The following PLEKHA5 variants were observed in gnomAD, a reference collection of about 807,000 sequenced individuals.
The protein encoded by PLEKHA5 is pleckstrin homology domain containing A5.
PLEKHA5 carries 55 observed loss-of-function variants against 181.9 expected under a neutral mutation model. That is an observed-to-expected ratio of 0.30 (90% CI 0.24 to 0.38). The LOEUF (loss-of-function observed/expected upper bound fraction) is 0.38, where lower values mean the gene tolerates loss of function less well. PLEKHA5 is among the 10% of genes least tolerant of loss of function. The probability of loss-of-function intolerance (pLI) is 1.00; values close to 1 mark genes in which losing one functional copy is unlikely to be tolerated. For missense variants in PLEKHA5, 1,432 were observed against 1,549.5 expected (o/e 0.92, Z 1.27); for synonymous variants, 535 against 529.4 (o/e 1.01, Z -0.15).
intron 29 of PLEKHA5, among the ~76,000 whole-genome samples, chr12:19,364,416 C>A (rs2095357322): frequency 6.6e-6 from 1 of 151,796 alleles, no homozygotes; most frequent in African/African-American, 2.4e-5. Flanking sequence ...GAGACTGAGG[C>A]ACAAGAATTG....
At chr12:19,160,944 A>G (rs1379841955) in intron 3 of PLEKHA5, among the ~76,000 whole-genome samples, 1 of 152,160 alleles carries the variant, frequency 6.6e-6, no homozygotes, top group Non-Finnish European at 1.5e-5. Context: ...AGTAATAGTA[A>G]AAGCGTACAT....
intron 20 of PLEKHA5, among the ~76,000 whole-genome samples, chr12:19,323,918 C>G (rs190849095): frequency 6.6e-6 from 1 of 151,780 alleles, no homozygotes; most frequent in African/African-American, 2.4e-5. Flanking sequence ...ATCTAAAAGT[C>G]TTAACTTGCA....
intron 21 of PLEKHA5, among the ~76,000 whole-genome samples, chr12:19,342,658 T>C (rs1592564648): frequency 6.6e-6 from 1 of 151,686 alleles, no homozygotes; most frequent in East Asian, 1.9e-4. Context: ...CGTGCCGTAA[T>C]CCCCACTACT....
intron 3 of PLEKHA5, among the ~76,000 whole-genome samples, chr12:19,245,690 G>A (rs2063540385): frequency 8.4e-6 from 1 of 119,690 alleles, no homozygotes; most frequent in Admixed American, 1.2e-4. Flanking sequence ...TCACGCCATT[G>A]CACTACTGCC....
chr12:19,306,720 C>A, intron 15 of PLEKHA5: 3 of 1,353,760 alleles, frequency 2.2e-6, no homozygotes, highest in Non-Finnish European at 3.2e-6. Context: ...GCAAGATCGA[C>A]GAACCACACC....
chr12:19,250,307 G>A lies in PLEKHA5; in HGVS notation c.228-3633G>A, dbSNP rs544782778. ...ATTATATCAAGACCTGAATTTGGCC[G>A]GGCGCAGAGGCTCATACCTGTAATC... is the stretch of plus-strand genomic sequence containing the variant. On this transcript the variant is annotated intron_variant, in intron 3 of 31. Coordinates refer to ENST00000429027, the MANE Select transcript of PLEKHA5 (RefSeq NM_001256470.2). Among the ~76,000 whole-genome samples, 114 of 152,252 alleles carry A rather than the reference G, an allele frequency of 7.5e-4. 1 individual carries two copies. The highest frequency in any genetic ancestry group is 2.5e-3 in the African/African-American group (104 of 41,568).
At chr12:19,182,852 T>A (rs2048925268) in intron 3 of PLEKHA5, among the ~76,000 whole-genome samples, 1 of 152,220 alleles carries the variant, frequency 6.6e-6, no homozygotes, top group Non-Finnish European at 1.5e-5. Flanking sequence ...TTATGTGTAA[T>A]GTACTAAAAC....
intron 3 of PLEKHA5, among the ~76,000 whole-genome samples, chr12:19,203,147 G>C (rs149059875): frequency 6.1e-4 from 93 of 152,204 alleles, no homozygotes; most frequent in African/African-American, 2.2e-3. Flanking sequence ...GGATGTATAG[G>C]AGACAGGAAA....
At chr12:19,308,427 G>A (rs2084955174) in intron 15 of PLEKHA5, among the ~76,000 whole-genome samples, 1 of 152,154 alleles carries the variant, frequency 6.6e-6, no homozygotes, top group African/African-American at 2.4e-5. Flanking sequence ...ATGGTATGAT[G>A]TAAGCAATTC....
intron 3 of PLEKHA5, among the ~76,000 whole-genome samples, chr12:19,225,609 G>T (rs546217133): frequency 2.6e-5 from 4 of 152,128 alleles, no homozygotes; most frequent in Non-Finnish European, 4.4e-5. Context: ...TTTCTCATGA[G>T]AAGCAACAAA....
intron 3 of PLEKHA5, among the ~76,000 whole-genome samples, chr12:19,205,014 A>G (rs921793363): frequency 4.6e-5 from 7 of 152,142 alleles, no homozygotes; most frequent in Non-Finnish European, 8.8e-5. Context: ...ATGTTGACAT[A>G]GTTAATTCTA....
intron 3 of PLEKHA5, among the ~76,000 whole-genome samples, chr12:19,147,861 C>T (rs373404339): frequency 1.4e-3 from 205 of 151,518 alleles, no homozygotes; most frequent in Middle Eastern, 3.5e-3. Context: ...CTCAGCCTCC[C>T]GAGTAGCTGG....
intron 3 of PLEKHA5, among the ~76,000 whole-genome samples, chr12:19,240,644 A>AT (rs903173915): frequency 2.4e-4 from 36 of 147,586 alleles, no homozygotes; most frequent in East Asian, 7.9e-4. Flanking sequence ...TATTATTATT[A>AT]TTTTTTTTTA....
intron 3 of PLEKHA5, among the ~76,000 whole-genome samples, chr12:19,169,331 AGG>A (rs2151632278): frequency 6.6e-6 from 1 of 151,814 alleles, no homozygotes; most frequent in South Asian, 2.1e-4. Context: ...TTGCTTGCCT[AGG>A]TGGCTTCCGC....
At chr12:19,286,226 C>G (rs2077184292) in intron 12 of PLEKHA5, among the ~76,000 whole-genome samples, 1 of 152,042 alleles carries the variant, frequency 6.6e-6, no homozygotes, top group African/African-American at 2.4e-5. Context: ...ACTCACTGAA[C>G]CAATATTTTC....
intron 3 of PLEKHA5, among the ~76,000 whole-genome samples, chr12:19,246,938 G>A (rs1471648287): frequency 6.6e-6 from 1 of 150,950 alleles, no homozygotes; most frequent in Non-Finnish European, 1.5e-5. Context: ...CTGGAAATTT[G>A]AAACACCATA....
chr12:19,241,368 T>A (rs144583635), intron 3 of PLEKHA5, among the ~76,000 whole-genome samples: 40 of 152,198 alleles, frequency 2.6e-4, no homozygotes, highest in South Asian at 6.2e-4. Flanking sequence ...TAGTGAAGAG[T>A]CTTGTTACAA....
In PLEKHA5 at chr12:19,322,676, AT is replaced by A. The variant is rs368336440; in HGVS notation, c.2448+19del. On this transcript the variant is annotated intron_variant, in intron 20 of 31. Coordinates refer to ENST00000429027, the MANE Select transcript of PLEKHA5 (RefSeq NM_001256470.2). The stretch of plus-strand genomic sequence containing the variant: ...TTTCTCGAGCCACTGCCGTAAGTAG[AT>A]TTTTTTTTTCCCCTAATAAAAGTAG... The A allele has an allele frequency of 2.6e-3, 3,965 of 1,510,350 alleles. 21 individuals are homozygous for A. The highest frequency in any genetic ancestry group is 0.021 in the African/African-American group (1,514 of 71,582). 93.6% of individuals were successfully genotyped at this position (1,510,350 alleles called of 1,614,324 possible). A position where few individuals can be genotyped will look rare whatever the true frequency, so the allele number is the denominator to read the frequency against.
intron 3 of PLEKHA5, chr12:19,207,141 T>C (rs2055749303): frequency 6.6e-6 from 1 of 152,180 alleles, no homozygotes; most frequent in Admixed American, 6.5e-5. Flanking sequence ...ATGTGTATTA[T>C]GTAATGGTGA....
Sources: allele counts gnomAD v4.1 joint callset (sites outside exome capture counted in the v4.1 genomes callset), GRCh38; gene constraint gnomAD v4.1.1; transcripts MANE v1.5; gene names NCBI Gene and HGNC (gene_info 2026-07-23, HGNC 2026-07-21).